RASEF: variants seen among roughly 807,000 people sequenced by gnomAD.
RASEF encodes RAS and EF-hand domain containing.
Under a neutral mutation model 90.1 loss-of-function variants are expected in RASEF, and 68 were observed. The observed-to-expected ratio is 0.75, with a 90% confidence interval of 0.62 to 0.92. RASEF has a LOEUF of 0.92. RASEF is among the 40% of genes least tolerant of loss of function. The pLI is 0.00. For synonymous variants in RASEF, 331 were observed against 345.2 expected, an observed-to-expected ratio of 0.96 and a Z score of 0.46; for missense variants, 949 against 937.2, an observed-to-expected ratio of 1.01 and a Z score of -0.16.
chr9:83,020,523 A>AGCTG lies in RASEF; in HGVS notation c.669+1809_669+1812dup, dbSNP rs149523981. Among the ~76,000 whole-genome samples, 755 of 152,326 alleles carry AGCTG rather than the reference A, an allele frequency of 5.0e-3. 5 individuals carry two copies. The highest frequency in any genetic ancestry group is 0.018 in the African/African-American group (730 of 41,574). On this transcript the variant is annotated intron_variant, in intron 3 of 16. Coordinates refer to ENST00000376447, the MANE Select transcript of RASEF (RefSeq NM_152573.4). ...TTTCCTCGCAGTGCCAAAGCTGCTC[A>AGCTG]GCTGGCAGTGACGTCCTGGACTGGC...
At chr9:83,054,633 G>T (rs1336302304) in intron 1 of RASEF, 1 of 149,774 alleles carries the variant, frequency 6.7e-6, no homozygotes, top group South Asian at 2.1e-4. Flanking sequence ...GCTTTTTAGA[G>T]TTTCCAGTTT....
the RASEF span, among the ~76,000 whole-genome samples, chr9:83,206,974 C>A: frequency 2.0e-5 from 3 of 152,128 alleles, no homozygotes; most frequent in African/African-American, 4.8e-5. Context: ...TCAGACCTGC[C>A]TTTCCCTCCT....
chr9:83,063,752 A>T (rs1377410799), upstream of RASEF, among the ~76,000 whole-genome samples: 1 of 148,944 alleles, frequency 6.7e-6, no homozygotes. Context: ...TTTTTTACTT[A>T]AACAAACTTT....
At chr9:83,101,428 A>G in the RASEF span, among the ~76,000 whole-genome samples, 1 of 152,240 alleles carries the variant, frequency 6.6e-6, no homozygotes, top group African/African-American at 2.4e-5. Flanking sequence ...ACTGATAAAG[A>G]AAACAAATTG....
At chr9:83,024,434 T>C (rs73469413) in intron 2 of RASEF, among the ~76,000 whole-genome samples, 7 of 152,130 alleles carry the variant, frequency 4.6e-5, no homozygotes, top group Admixed American at 4.6e-4. Context: ...TGTGTACCTA[T>C]GTGTGTACCT....
intron 5 of RASEF, 38 bp downstream of exon 5, chr9:83,012,396 A>C: frequency 8.8e-7 from 1 of 1,134,760 alleles, no homozygotes; most frequent in Admixed American, 2.3e-5. Flanking sequence ...GTGGTCTAAC[A>C]GGAAGTGCAT....
Position 82,982,330 on chromosome 9 carries a change from T to C in RASEF, c.*347A>G, listed in dbSNP as rs7864688. On this transcript the variant is annotated 3_prime_UTR_variant, in exon 17 of 17. Transcript: ENST00000376447. ...GACTTTGTGGGTAACCTAATTCAGC[T>C]ACCACATGAATCTAATTATGTCAGT... is the stretch of plus-strand genomic sequence containing the variant. 0.55 allele frequency: 89,357 copies of C among 163,078 alleles called. 24,974 individuals carry two copies. The highest frequency in any genetic ancestry group is 0.83 in the East Asian group (4,927 of 5,918). The allele number at this position is 163,078 out of a possible 1,614,324, so 10.1% of individuals were successfully genotyped here. A position where few individuals can be genotyped will look rare whatever the true frequency, so the allele number is the denominator to read the frequency against.
chr9:83,151,658 G>T, the RASEF span, among the ~76,000 whole-genome samples: 1 of 152,194 alleles, frequency 6.6e-6, no homozygotes, highest in East Asian at 1.9e-4. Context: ...GAAGAGCCAG[G>T]ATTAATTTTT....
chr9:83,073,658 T>C, the RASEF span, among the ~76,000 whole-genome samples: 4 of 152,204 alleles, frequency 2.6e-5, no homozygotes, highest in Non-Finnish European at 4.4e-5. Context: ...TTTGCTGTAG[T>C]GTACATATAA....
chr9:83,087,484 T>C, the RASEF span, among the ~76,000 whole-genome samples: 12 of 148,182 alleles, frequency 8.1e-5, no homozygotes, highest in Non-Finnish European at 1.8e-4. Context: ...TGAAGGTGGC[T>C]TCCAGCTTTA....
rs969994815 is a variant in RASEF at position 82,979,962 on chromosome 9, T to A, written c.*2715A>T. On this transcript the variant is annotated 3_prime_UTR_variant, in exon 17 of 17. Transcript: ENST00000376447. The stretch of plus-strand genomic sequence containing the variant: ...GCAACTTGGGTTTATGCAGATCACA[T>A]CAAGTGTTAAATAATCAAATGTCAC... 5.9e-5 allele frequency: 9 copies of A among 152,112 alleles called. No individual in the cohort carries two copies. The highest frequency in any genetic ancestry group is 2.2e-4 in the African/African-American group (9 of 41,424). 9.4% of individuals were successfully genotyped at this position (152,112 alleles called of 1,614,324 possible).
At chr9:82,983,135 ACACAC>A (rs1828646800) in intron 16 of RASEF, among the ~76,000 whole-genome samples, 4 of 151,004 alleles carry the variant, frequency 2.6e-5, no homozygotes, top group Admixed American at 2.0e-4. Context: ...ACACACACAC[ACACAC>A]ACACACACAC....
At chr9:83,049,804 T>C (rs36175364) in intron 1 of RASEF, among the ~76,000 whole-genome samples, 1,319 of 102,738 alleles carry the variant, frequency 0.013, 29 homozygotes, top group African/African-American at 0.054. Context: ...TGGTTTTTTG[T>C]TCTTGCGATA....
At chr9:83,099,383 C>T in the RASEF span, among the ~76,000 whole-genome samples, 2 of 152,060 alleles carry the variant, frequency 1.3e-5, no homozygotes, top group African/African-American at 4.8e-5. Flanking sequence ...TGTTCCAGGG[C>T]ATAAAAAGAT....
intron 3 of RASEF, 96 bp downstream of exon 3, chr9:83,022,240 G>A: frequency 2.2e-6 from 2 of 895,154 alleles, no homozygotes; most frequent in African/African-American, 1.6e-5. Context: ...TGGACTTGCT[G>A]TACCCCTGCA....
chr9:83,075,799 A>G, the RASEF span, among the ~76,000 whole-genome samples: 3 of 149,076 alleles, frequency 2.0e-5, no homozygotes, highest in Non-Finnish European at 3.0e-5. Context: ...CTATATTTAG[A>G]AAAAAAAAAG....
At chr9:83,112,916 T>C in the RASEF span, among the ~76,000 whole-genome samples, 1 of 152,202 alleles carries the variant, frequency 6.6e-6, no homozygotes, top group Non-Finnish European at 1.5e-5. Context: ...GTGGTAGAAT[T>C]ATGGGCAATT....
At chr9:83,157,411 G>A in the RASEF span, among the ~76,000 whole-genome samples, 4 of 152,076 alleles carry the variant, frequency 2.6e-5, no homozygotes, top group African/African-American at 7.2e-5. Context: ...TTACTGTAGG[G>A]ATGACTTTAT....
At chr9:82,995,852 A>C (rs1828907356) in intron 14 of RASEF, among the ~76,000 whole-genome samples, 2 of 152,132 alleles carry the variant, frequency 1.3e-5, no homozygotes, top group South Asian at 4.1e-4. Flanking sequence ...ATTCCTAACC[A>C]CTAAATAACT....
Sources: allele counts gnomAD v4.1 joint callset (sites outside exome capture counted in the v4.1 genomes callset), GRCh38; gene constraint gnomAD v4.1.1; transcripts MANE v1.5; gene names NCBI Gene and HGNC (gene_info 2026-07-23, HGNC 2026-07-21).